Variants in MAST4 observed in about 807,000 individuals in gnomAD.
The protein encoded by MAST4 is microtubule-associated serine/threonine-protein kinase 4.
A neutral mutation model predicts 162.7 loss-of-function variants in MAST4; 89 were observed. The observed-to-expected ratio is 0.55, with a 90% CI of 0.46 to 0.65. MAST4 has a LOEUF of 0.65. Ranked by LOEUF, MAST4 falls within the 30% of genes least tolerant of loss-of-function variation. The pLI, the probability that MAST4 is intolerant of heterozygous loss-of-function variation, is 0.00. For synonymous variants in MAST4, 1,479 were observed against 1,361.1 expected (o/e 1.09, Z -1.91); for missense variants, 3,153 against 3,374.0 (o/e 0.93, Z 1.62).
chr5:66,608,642 T>G (rs1743067172), intron 1 of MAST4, among the ~76,000 whole-genome samples: 1 of 152,104 alleles, frequency 6.6e-6, no homozygotes, highest in African/African-American at 2.4e-5. Flanking sequence ...TCTGTGTTTG[T>G]CTTGATGCTG....
intron 12 of MAST4, among the ~76,000 whole-genome samples, chr5:67,116,527 T>C (rs1329415597): frequency 6.6e-6 from 1 of 151,870 alleles, no homozygotes; most frequent in African/African-American, 2.4e-5. Context: ...TTTTAATCTA[T>C]TTGTTAACAT....
chr5:66,655,131 A>G (rs1326323209), intron 1 of MAST4, among the ~76,000 whole-genome samples: 1 of 152,170 alleles, frequency 6.6e-6, no homozygotes, highest in African/African-American at 2.4e-5. Context: ...AGCTCCTGTG[A>G]TCAGCTCAGA....
chr5:67,104,496 T>C lies in MAST4; in HGVS notation c.1277T>C (p.Leu426Ser). The change falls in exon 10 of 29, where the codon TTG becomes TCG. Residue 426 changes from leucine to serine, a missense_variant. Leu to Ser is a moderately radical substitution (Grantham distance 145). Around this residue, in one of 7 missense-constraint regions of MAST4, gnomAD observed 360 missense variants for 450.0 expected, o/e 0.80. Coordinates refer to ENST00000403625, the MANE Select transcript of MAST4 (RefSeq NM_001164664.2). ...HQIIELARDC[L>S]DKSHQGLITS... is the part of the protein sequence containing the mutation. ...ATTATTGAACTGGCTCGAGATTGCT[T>C]GGATAAATCCCACCAGGGCCTCATC... 1 of 1,613,946 alleles carries C rather than the reference T, an allele frequency of 6.2e-7. No individual in the cohort carries two copies. Among genetic ancestry groups the C allele is most frequent in the Non-Finnish European group, 8.5e-7 (1 of 1,179,846 alleles).
At chr5:67,134,893 G>A (rs990906905) in intron 18 of MAST4, among the ~76,000 whole-genome samples, 1 of 152,154 alleles carries the variant, frequency 6.6e-6, no homozygotes, top group Non-Finnish European at 1.5e-5. Flanking sequence ...CTGAAGAAAT[G>A]TTGTTAACAT....
intron 3 of MAST4, among the ~76,000 whole-genome samples, chr5:66,858,998 T>C (rs1759888986): frequency 6.6e-6 from 1 of 152,146 alleles, no homozygotes; most frequent in Non-Finnish European, 1.5e-5. Flanking sequence ...TTTTTGTATA[T>C]TGATCTTGTA....
At chr5:67,095,795 C>T in intron 7 of MAST4, 120 bp downstream of exon 7, 2 of 630,432 alleles carry the variant, frequency 3.2e-6, no homozygotes, top group South Asian at 8.1e-5. Context: ...GCATGTCTGC[C>T]ACTCTGAATA....
intron 1 of MAST4, among the ~76,000 whole-genome samples, chr5:66,720,624 T>C (rs1165743044): frequency 6.6e-6 from 1 of 152,016 alleles, no homozygotes; most frequent in Admixed American, 6.6e-5. Flanking sequence ...TCGCAAGAGG[T>C]TTGTGTATTT....
chr5:66,844,251 C>T (rs1367808851), intron 3 of MAST4, among the ~76,000 whole-genome samples: 2 of 149,380 alleles, frequency 1.3e-5, no homozygotes, highest in Non-Finnish European at 3.0e-5. Context: ...ATTCCCCTTA[C>T]CTCCTGGGTT....
At chr5:66,665,023 A>G (rs1365893054) in intron 1 of MAST4, among the ~76,000 whole-genome samples, 2 of 152,188 alleles carry the variant, frequency 1.3e-5, no homozygotes, top group East Asian at 3.9e-4. Flanking sequence ...ATGTCAGTGG[A>G]GTCTGAAAGA....
chr5:66,756,046 T>G (rs1286666729), intron 1 of MAST4, among the ~76,000 whole-genome samples: 1 of 152,218 alleles, frequency 6.6e-6, no homozygotes, highest in Non-Finnish European at 1.5e-5. Context: ...TGCCTCACAC[T>G]TCCCTTGGTT....
chr5:66,801,979 G>C (rs1342664635), intron 3 of MAST4, among the ~76,000 whole-genome samples: 1 of 152,168 alleles, frequency 6.6e-6, no homozygotes, highest in Admixed American at 6.5e-5. Context: ...TAATTGGTTA[G>C]CTATGTAAAA....
intron 1 of MAST4, among the ~76,000 whole-genome samples, chr5:66,642,084 C>T (rs1049605001): frequency 2.6e-5 from 4 of 151,984 alleles, no homozygotes; most frequent in Non-Finnish European, 5.9e-5. Flanking sequence ...TAATATCACA[C>T]GGAGACAACT....
intron 1 of MAST4, among the ~76,000 whole-genome samples, chr5:66,638,519 A>G (rs1277026320): frequency 6.6e-6 from 1 of 152,240 alleles, no homozygotes; most frequent in Non-Finnish European, 1.5e-5. Context: ...TATATACATA[A>G]TGAGATATCT....
chr5:66,979,012 G>C (rs1293748537), intron 4 of MAST4, among the ~76,000 whole-genome samples: 5 of 152,070 alleles, frequency 3.3e-5, no homozygotes, highest in Admixed American at 1.3e-4. Context: ...AGAATGGAAG[G>C]CATTGTGAAA....
chr5:66,981,212 T>C (rs1347790537), intron 4 of MAST4, among the ~76,000 whole-genome samples: 3 of 151,992 alleles, frequency 2.0e-5, no homozygotes, highest in African/African-American at 7.3e-5. Context: ...TTTTGCAAAA[T>C]GTTATCTGAA....
intron 4 of MAST4, among the ~76,000 whole-genome samples, chr5:66,944,564 C>A (rs892610478): frequency 2.0e-5 from 3 of 152,158 alleles, no homozygotes; most frequent in South Asian, 2.1e-4. Flanking sequence ...CCTTATTTTT[C>A]TTTTTCGCTT....
intron 4 of MAST4, among the ~76,000 whole-genome samples, chr5:66,994,854 G>A (rs1218229414): frequency 2.0e-5 from 3 of 152,174 alleles, no homozygotes; most frequent in Non-Finnish European, 4.4e-5. Context: ...AATGTTAAAA[G>A]TAAGTTTGCT....
chr5:67,146,321 C>T (rs1490692071), intron 23 of MAST4, among the ~76,000 whole-genome samples: 1 of 152,212 alleles, frequency 6.6e-6, no homozygotes, highest in African/African-American at 2.4e-5. Flanking sequence ...GAGGTATCCT[C>T]ACTAGATATT....
At chr5:66,956,152 C>T (rs142811570) in intron 4 of MAST4, among the ~76,000 whole-genome samples, 5 of 152,084 alleles carry the variant, frequency 3.3e-5, no homozygotes, top group African/African-American at 7.2e-5. Flanking sequence ...CCCTTTCCAT[C>T]TTCCCCCTCC....
Sources: gnomAD v4.1 joint callset for allele counts (sites outside exome capture counted in the v4.1 genomes callset) on GRCh38, gnomAD v4.1.1 for gene constraint, gnomAD v4.1.1 regional missense constraint, MANE v1.5 for transcripts, NCBI Gene and HGNC (gene_info 2026-07-23, HGNC 2026-07-21) for gene names.